Variants in LRRIQ3 observed in about 807,000 individuals in gnomAD.
LRRIQ3 encodes leucine-rich repeat and IQ domain-containing protein 3.
A neutral mutation model predicts 59.3 loss-of-function variants in LRRIQ3; 75 were observed. The observed-to-expected ratio is 1.26, with a 90% CI of 1.05 to 1.53. LRRIQ3 has a LOEUF of 1.53. Among genes scored for constraint, LRRIQ3 ranks in the 40% most tolerant of loss-of-function variants. The probability of loss-of-function intolerance (pLI) is 0.00; values close to 1 mark genes in which losing one functional copy is unlikely to be tolerated. For missense variants in LRRIQ3, 831 were observed against 710.0 expected (o/e 1.17, Z -1.94); for synonymous variants, 250 against 231.3 (o/e 1.08, Z -0.73).
intron 4 of LRRIQ3, among the ~76,000 whole-genome samples, chr1:74,121,316 A>G (rs114668753): frequency 2.6e-4 from 39 of 152,266 alleles, no homozygotes; most frequent in Admixed American, 1.6e-3. Flanking sequence ...CATGGCAAAC[A>G]AAGAAAATGA....
At position 74,182,384 on chromosome 1, in the gene LRRIQ3, G is replaced by T. The variant is rs1570271853; in HGVS notation, c.573+154C>A. 5 of 407,778 alleles carry T rather than the reference G, an allele frequency of 1.2e-5. No homozygotes were observed. In the Admixed American group the frequency reaches 1.3e-4, roughly 10 times the overall value. The allele number at this position is 407,778 out of a possible 1,614,324, so 25.3% of individuals were successfully genotyped here. A position where few individuals can be genotyped will look rare whatever the true frequency, so the allele number is the denominator to read the frequency against. On this transcript the variant is annotated intron_variant, in intron 3 of 7. Coordinates refer to ENST00000354431, the MANE Select transcript of LRRIQ3 (RefSeq NM_001105659.2). ...GCAAACTTTTATCAAGTTTCAGATAGAAAGACATTACAAATATATTCATTG... is the reference window on the plus strand; with the variant it reads ...GCAAACTTTTATCAAGTTTCAGATATAAAGACATTACAAATATATTCATTG...
chr1:74,132,470 T>C (rs1476220702), intron 4 of LRRIQ3, among the ~76,000 whole-genome samples: 2 of 152,020 alleles, frequency 1.3e-5, no homozygotes, highest in Non-Finnish European at 2.9e-5. Flanking sequence ...AACTACACTA[T>C]AAGGCTACAG....
At chr1:74,044,956 GA>G (rs1390653397) in intron 6 of LRRIQ3, among the ~76,000 whole-genome samples, 2 of 152,084 alleles carry the variant, frequency 1.3e-5, no homozygotes, top group African/African-American at 4.8e-5. Context: ...TTCTGAAATT[GA>G]GGCAGTAATT....
intron 4 of LRRIQ3, among the ~76,000 whole-genome samples, chr1:74,138,131 GC>G (rs1262817351): frequency 6.8e-6 from 1 of 146,112 alleles, no homozygotes; most frequent in African/African-American, 2.5e-5. Flanking sequence ...AAATATCCTG[GC>G]TCTTTTGCTT....
intron 5 of LRRIQ3, among the ~76,000 whole-genome samples, chr1:74,100,907 T>C (rs1438386819): frequency 1.3e-5 from 2 of 152,050 alleles, no homozygotes. Flanking sequence ...CAAAAATTAA[T>C]TCAAGATGGA....
At chr1:74,060,123 G>A (rs78000949) in intron 6 of LRRIQ3, among the ~76,000 whole-genome samples, 4,368 of 151,868 alleles carry the variant, frequency 0.029, 201 homozygotes, top group African/African-American at 0.1. Flanking sequence ...AATGTCCCCT[G>A]TTTCATTTCT....
At chr1:74,145,436 C>T (rs1647511276) in intron 4 of LRRIQ3, among the ~76,000 whole-genome samples, 1 of 152,110 alleles carries the variant, frequency 6.6e-6, no homozygotes, top group East Asian at 1.9e-4. Context: ...TCCTGAAAAA[C>T]CTCTAACAAA....
chr1:74,118,474 C>T (rs1184467987), intron 4 of LRRIQ3, among the ~76,000 whole-genome samples: 2 of 152,034 alleles, frequency 1.3e-5, no homozygotes, highest in Non-Finnish European at 2.9e-5. Flanking sequence ...AAAGGACACA[C>T]ATAAGTTTTT....
rs372920810 is a variant in LRRIQ3, at chr1:74,041,704, T to C, written c.1227A>G (p.Ala409=). The change falls in exon 7 of 8, where the codon GCA becomes GCG. Residue 409 remains alanine (A), a synonymous_variant. Transcript: ENST00000354431. ...GGAGTTTCATACCAGCTCTTTGTGG[T>C]GCAAAAAACTCTTTCATACTCCGCT... ...RLERSMKEFF[A]PQRAGMKLRT... is the part of the protein sequence containing the mutation. 7 of 1,613,420 alleles carry C rather than the reference T, an allele frequency of 4.3e-6. No individual in the cohort carries two copies. The African/African-American group carries it at 9.4e-5, about 22-fold the overall frequency.
intron 5 of LRRIQ3, among the ~76,000 whole-genome samples, chr1:74,091,843 G>T (rs2100518145): frequency 6.6e-6 from 1 of 151,794 alleles, no homozygotes; most frequent in Admixed American, 6.6e-5. Flanking sequence ...CTATTGCTTT[G>T]CCAATTGCTT....
At chr1:74,057,376 A>G (rs544173004) in intron 6 of LRRIQ3, among the ~76,000 whole-genome samples, 1 of 152,282 alleles carries the variant, frequency 6.6e-6, no homozygotes, top group Non-Finnish European at 1.5e-5. Context: ...CCAAAGCAGA[A>G]TGGTACTGGC....
intron 4 of LRRIQ3, among the ~76,000 whole-genome samples, chr1:74,135,187 TTCA>T (rs1174097038): frequency 6.6e-6 from 1 of 151,862 alleles, no homozygotes; most frequent in Non-Finnish European, 1.5e-5. Flanking sequence ...GAAATGTCAC[TTCA>T]TCAGGTACAC....
intron 5 of LRRIQ3, chr1:74,083,962 T>C: frequency 2.4e-6 from 1 of 412,346 alleles, no homozygotes; most frequent in Non-Finnish European, 4.4e-6. Context: ...AGGAAGGAAA[T>C]AATATCATGA....
At chr1:74,142,039 T>G (rs920431310) in intron 4 of LRRIQ3, among the ~76,000 whole-genome samples, 1 of 151,662 alleles carries the variant, frequency 6.6e-6, no homozygotes, top group Non-Finnish European at 1.5e-5. Flanking sequence ...AATTTATCTG[T>G]TTATTCCTTG....
intron 4 of LRRIQ3, among the ~76,000 whole-genome samples, chr1:74,112,707 A>C (rs950882064): frequency 6.6e-6 from 1 of 152,164 alleles, no homozygotes; most frequent in Non-Finnish European, 1.5e-5. Flanking sequence ...ATAGCTGGCC[A>C]AATAGCTGAC....
rs141994802 is a variant in LRRIQ3, at chr1:74,172,804, A to G, written c.573+9734T>C. 2.0e-3 allele frequency among the ~76,000 whole-genome samples: 299 copies of G among 152,242 alleles called. 1 individual carries two copies. The highest frequency in any genetic ancestry group is 6.7e-3 in the African/African-American group (277 of 41,534). ...AGCTTCTTGTTGGATTAACCCTTTT[A>G]TCATTATTTGATGACCTCCTTTGTC... On this transcript the variant is annotated intron_variant, in intron 3 of 7. Coordinates refer to ENST00000354431, the MANE Select transcript of LRRIQ3 (RefSeq NM_001105659.2).
intron 4 of LRRIQ3, among the ~76,000 whole-genome samples, chr1:74,139,758 A>G (rs1436787268): frequency 6.6e-6 from 1 of 152,012 alleles, no homozygotes; most frequent in East Asian, 1.9e-4. Context: ...AGATAAAATT[A>G]TAGTATATGA....
At chr1:74,051,165 C>G (rs1015479916) in intron 6 of LRRIQ3, among the ~76,000 whole-genome samples, 1 of 152,058 alleles carries the variant, frequency 6.6e-6, no homozygotes, top group Admixed American at 6.6e-5. Context: ...TCTTTATATT[C>G]TACATGGGAA....
At chr1:74,105,217 T>A (rs767226678) in intron 5 of LRRIQ3, among the ~76,000 whole-genome samples, 15 of 150,942 alleles carry the variant, frequency 9.9e-5, no homozygotes, top group Non-Finnish European at 1.6e-4. Context: ...TATACCTTAA[T>A]GTATTTTTTC....
Sources: allele counts gnomAD v4.1 joint callset (sites outside exome capture counted in the v4.1 genomes callset), GRCh38; gene constraint gnomAD v4.1.1; transcripts MANE v1.5; gene names NCBI Gene and HGNC (gene_info 2026-07-23, HGNC 2026-07-21).